Variants in TLL1 observed in about 807,000 individuals in gnomAD.
TLL1 encodes the protein tolloid-like protein 1.
In TLL1, 49 loss-of-function variants were observed where a neutral mutation model predicts 128.2. That is an observed-to-expected ratio of 0.38 (90% CI 0.30 to 0.48). The LOEUF (loss-of-function observed/expected upper bound fraction) is 0.48, where lower values mean the gene tolerates loss of function less well. TLL1 is among the 20% of genes least tolerant of loss of function. TLL1 has a pLI of 0.96. For missense variants in TLL1, 1,123 were observed against 1,242.0 expected (o/e 0.90, Z 1.44); for synonymous variants, 454 against 418.8 (o/e 1.08, Z -1.03).
chr4:165,938,383 AT>A (rs1408674381), intron 1 of TLL1, among the ~76,000 whole-genome samples: 1 of 152,032 alleles, frequency 6.6e-6, no homozygotes, highest in Non-Finnish European at 1.5e-5. Flanking sequence ...GCAGGTCTTC[AT>A]TCTTTCAATG....
chr4:165,897,440 A>C (rs1049193785), intron 1 of TLL1, among the ~76,000 whole-genome samples: 7 of 152,186 alleles, frequency 4.6e-5, no homozygotes. Flanking sequence ...AGTTTTCTGC[A>C]TATAGCTAGC....
chr4:166,017,117 G>C (rs79768659), intron 8 of TLL1, among the ~76,000 whole-genome samples: 44 of 152,024 alleles, frequency 2.9e-4, no homozygotes, highest in African/African-American at 9.2e-4. Context: ...AGTCCATACT[G>C]TCTATTGTTC....
At chr4:165,990,167 A>C (rs915766644) in intron 2 of TLL1, among the ~76,000 whole-genome samples, 12 of 152,050 alleles carry the variant, frequency 7.9e-5, no homozygotes, top group African/African-American at 2.9e-4. Context: ...ACAATTTTTT[A>C]AATTAAAATT....
intron 1 of TLL1, 127 bp from the exon 2 acceptor site, chr4:165,989,254 C>A: frequency 1.4e-6 from 1 of 714,430 alleles, no homozygotes; most frequent in Non-Finnish European, 2.4e-6. Context: ...GTTATGATTA[C>A]TTTCTGAAAG....
intron 14 of TLL1, among the ~76,000 whole-genome samples, chr4:166,059,693 C>T (rs1011789882): frequency 6.6e-6 from 1 of 151,960 alleles, no homozygotes; most frequent in African/African-American, 2.4e-5. Context: ...CAAGGCACTA[C>T]AAGATATTAT....
intron 18 of TLL1, among the ~76,000 whole-genome samples, chr4:166,089,803 TG>T (rs1741680908): frequency 1.3e-5 from 2 of 152,136 alleles, no homozygotes; most frequent in South Asian, 4.1e-4. Context: ...TAGAGTGCAG[TG>T]GAAAGAGACA....
chr4:165,995,426 T>A (rs1046479349), intron 5 of TLL1, among the ~76,000 whole-genome samples: 1 of 152,152 alleles, frequency 6.6e-6, no homozygotes, highest in East Asian at 1.9e-4. Flanking sequence ...ATTACCAACA[T>A]CCCACTCACC....
intron 12 of TLL1, chr4:166,044,338 G>A (rs1211059303): frequency 4.6e-6 from 7 of 1,534,622 alleles, no homozygotes; most frequent in Non-Finnish European, 6.1e-6. Context: ...AGTGACCGTG[G>A]TCATGGTTGT....
intron 1 of TLL1, among the ~76,000 whole-genome samples, chr4:165,896,740 C>T (rs1323731181): frequency 1.3e-5 from 2 of 152,090 alleles, no homozygotes; most frequent in Non-Finnish European, 2.9e-5. Context: ...GCCTTGGCAT[C>T]CCCAAGTGCT....
At chr4:165,932,638 TTTC>T (rs140136617) in intron 1 of TLL1, among the ~76,000 whole-genome samples, 2,516 of 140,012 alleles carry the variant, frequency 0.018, 24 homozygotes, top group Non-Finnish European at 0.026. Flanking sequence ...AGCTTCAGAT[TTTC>T]TTCTTTTTTT....
intron 1 of TLL1, among the ~76,000 whole-genome samples, chr4:165,896,554 C>G (rs1731690668): frequency 7.1e-6 from 1 of 141,132 alleles, no homozygotes; most frequent in African/African-American, 2.6e-5. Context: ...ATGATCTTGT[C>G]TCACTGCAAG....
chr4:165,914,172 A>G (rs1217421942), intron 1 of TLL1, among the ~76,000 whole-genome samples: 4 of 152,194 alleles, frequency 2.6e-5, no homozygotes, highest in Non-Finnish European at 5.9e-5. Flanking sequence ...TTCATTAGAT[A>G]GCATTTCCTG....
intron 14 of TLL1, among the ~76,000 whole-genome samples, chr4:166,058,358 C>G (rs567093453): frequency 8.5e-5 from 13 of 152,068 alleles, no homozygotes; most frequent in Admixed American, 7.9e-4. Context: ...AATGAGAAGT[C>G]CTGAGTTAGA....
chr4:166,078,088 A>T, intron 18 of TLL1, 58 bp downstream of exon 18: 1 of 1,606,930 alleles, frequency 6.2e-7, no homozygotes, highest in Non-Finnish European at 8.5e-7. Context: ...CTTTCACTAC[A>T]AGCACTTGGA....
rs1373061747 is a variant in TLL1 at position 166,043,346 on chromosome 4, C to T, written c.1451C>T (p.Pro484Leu). 7 of 1,613,956 alleles carry T rather than the reference C, an allele frequency of 4.3e-6. No individual in the cohort carries two copies. Among genetic ancestry groups the T allele is most frequent in the East Asian group, 2.2e-5 (1 of 44,880 alleles). ...QSPNYPDDYR[P>L]MKECVWKITV... ...CCCAATTATCCTGATGACTATCGCC[C>T]GATGAAAGAATGTGTGTGGAAAATA... Residue 484 changes from proline (P) to leucine (L), a missense_variant, in exon 12 of 21, where the codon CCG becomes CTG. Pro to Leu is a moderately conservative substitution (Grantham distance 98). This residue lies in a region of TLL1 where 634 missense variants were observed against 672.4 expected (regional missense o/e 0.94). Coordinates refer to ENST00000061240, the MANE Select transcript of TLL1 (RefSeq NM_012464.5).
intron 1 of TLL1, among the ~76,000 whole-genome samples, chr4:165,945,868 A>G (rs569176281): frequency 5.9e-5 from 9 of 152,288 alleles, no homozygotes; most frequent in Admixed American, 4.6e-4. Flanking sequence ...GACTCTGCAG[A>G]GGGAATTAAG....
chr4:165,959,188 G>A (rs1327721704), intron 1 of TLL1, among the ~76,000 whole-genome samples: 6 of 151,930 alleles, frequency 3.9e-5, no homozygotes, highest in Non-Finnish European at 5.9e-5. Flanking sequence ...TTGACTTGGC[G>A]ATGCGGGCTT....
rs568870878 is a variant in TLL1, at chr4:165,933,372, C to T, written c.170-56009C>T. 2.0e-5 allele frequency among the ~76,000 whole-genome samples: 3 copies of T among 152,108 alleles called. No individual in the cohort carries two copies. The East Asian group carries it at 5.8e-4, about 30-fold the overall frequency. On this transcript the variant is annotated intron_variant, in intron 1 of 20. Coordinates refer to ENST00000061240, the MANE Select transcript of TLL1 (RefSeq NM_012464.5). ...GGCCTCCCCTGGGAGGCAATGATTC[C>T]GGTGTTGTGCCCGTACAGTTCACTA...
At chr4:165,978,041 C>A (rs1735970371) in intron 1 of TLL1, among the ~76,000 whole-genome samples, 1 of 152,020 alleles carries the variant, frequency 6.6e-6, no homozygotes, top group South Asian at 2.1e-4. Context: ...TCATGTTATC[C>A]TAATTTAGGC....
Sources: gnomAD v4.1 joint callset for allele counts (sites outside exome capture counted in the v4.1 genomes callset) on GRCh38, gnomAD v4.1.1 for gene constraint, gnomAD v4.1.1 regional missense constraint, MANE v1.5 for transcripts, NCBI Gene and HGNC (gene_info 2026-07-23, HGNC 2026-07-21) for gene names.